The following PARD3B variants were observed in gnomAD, a reference collection of about 807,000 sequenced individuals.
PARD3B encodes the protein partitioning defective 3 homolog B.
Under a neutral mutation model 130.2 loss-of-function variants are expected in PARD3B, and 103 were observed. The ratio of observed to expected loss-of-function variants is 0.79; its 90% CI spans 0.67 to 0.93. The LOEUF (loss-of-function observed/expected upper bound fraction) is 0.93. Ranked by LOEUF, PARD3B falls within the 40% of genes least tolerant of loss-of-function variation. The pLI is 0.00. For missense variants in PARD3B, 1,609 were observed against 1,499.2 expected, an observed-to-expected ratio of 1.07 and a Z score of -1.21; for synonymous variants, 583 against 553.2, an observed-to-expected ratio of 1.05 and a Z score of -0.76.
chr2:205,349,924 G>A (rs947260613), intron 18 of PARD3B, among the ~76,000 whole-genome samples: 5 of 148,874 alleles, frequency 3.4e-5, no homozygotes, highest in African/African-American at 5.0e-5. Flanking sequence ...TCTATAACCT[G>A]TAGTGTAAAC....
chr2:205,599,775 G>T (rs2054710867), intron 22 of PARD3B, among the ~76,000 whole-genome samples: 2 of 152,154 alleles, frequency 1.3e-5, no homozygotes, highest in South Asian at 4.1e-4. Context: ...GGGAGGAATC[G>T]TTGGTTCTGG....
intron 11 of PARD3B, among the ~76,000 whole-genome samples, chr2:205,171,199 A>G (rs572267825): frequency 1.6e-4 from 25 of 152,330 alleles, no homozygotes; most frequent in African/African-American, 5.5e-4. Context: ...TAACATTCGT[A>G]ATCACAGCTG....
intron 15 of PARD3B, among the ~76,000 whole-genome samples, chr2:205,242,919 C>A (rs180888259): frequency 2.0e-5 from 3 of 152,144 alleles, no homozygotes; most frequent in Non-Finnish European, 4.4e-5. Context: ...GTAATCCCAG[C>A]GCTTTGGGAG....
intron 2 of PARD3B, among the ~76,000 whole-genome samples, chr2:204,729,762 A>G (rs2039404676): frequency 6.6e-6 from 1 of 152,084 alleles, no homozygotes; most frequent in African/African-American, 2.4e-5. Flanking sequence ...TAGCTTAAGA[A>G]TGACCCCTAT....
intron 22 of PARD3B, among the ~76,000 whole-genome samples, chr2:205,612,547 G>A (rs1175184127): frequency 1.3e-5 from 2 of 152,114 alleles, no homozygotes; most frequent in African/African-American, 4.8e-5. Flanking sequence ...TGAACAAAAT[G>A]TTGTTATAAA....
rs2047893401 is a variant in PARD3B at position 205,446,001 on chromosome 2, C to T, written c.3044+5329C>T. On this transcript the variant is annotated intron_variant, in intron 20 of 22. Transcript: ENST00000406610. This position sits in a 1 kb window ranked among gnomAD's most constrained non-coding sequence, Gnocchi z 4.4. ...TGGATATTAGGATCCAATGGCAATA[C>T]AAAGACCTAAACATGCAGTGAGAAC... Among the ~76,000 whole-genome samples the T allele has an allele frequency of 6.6e-6, 1 of 152,156 alleles. No individual in the cohort carries two copies. The highest frequency in any genetic ancestry group is 6.5e-5 in the Admixed American group (1 of 15,282).
rs1046927068 is a variant in PARD3B, at chr2:204,579,148, TCAC to T, written c.120+33030_120+33032del. ...ATCATCATCATCATCATCATCATCA[TCAC>T]AACAACAGTAATAATCATAATCATG... is the stretch of plus-strand genomic sequence containing the variant. On this transcript the variant is annotated intron_variant, in intron 1 of 22. Transcript: ENST00000406610. 4.6e-5 allele frequency among the ~76,000 whole-genome samples: 7 copies of T among 151,862 alleles called. No homozygotes were observed. In the East Asian group the frequency reaches 1.4e-3, roughly 30 times the overall value.
At chr2:205,036,651 T>G in intron 3 of PARD3B, among the ~76,000 whole-genome samples, 1 of 145,912 alleles carries the variant, frequency 6.9e-6, no homozygotes, top group African/African-American at 2.5e-5. Flanking sequence ...AAAGTATATA[T>G]ACACAGCGGA....
In PARD3B at chr2:205,078,383, T is replaced by C. The variant is rs1021136567; in HGVS notation, c.505-26043T>C. Among the ~76,000 whole-genome samples the C allele has an allele frequency of 1.8e-4, 28 of 152,324 alleles. No homozygotes were observed. The highest frequency in any genetic ancestry group is 5.8e-4 in the African/African-American group (24 of 41,576). ...TAATTGTATGGTTTTCCTTTTATGT[T>C]TTCAGGTGAGAGTATTTCTTTTCTA... On this transcript the variant is annotated intron_variant, in intron 4 of 22. Transcript: ENST00000406610. This position sits in a 1 kb window ranked among gnomAD's most constrained non-coding sequence, Gnocchi z 4.0.
chr2:205,264,030 T>G (rs1332492138), intron 16 of PARD3B, among the ~76,000 whole-genome samples: 1 of 151,094 alleles, frequency 6.6e-6, no homozygotes, highest in Non-Finnish European at 1.5e-5. Context: ...CACTTTTTTA[T>G]ATTTGTAAAC....
intron 5 of PARD3B, among the ~76,000 whole-genome samples, chr2:205,109,413 A>G (rs1325937997): frequency 6.6e-6 from 1 of 152,120 alleles, no homozygotes; most frequent in Non-Finnish European, 1.5e-5. Context: ...GTGTTCCTCA[A>G]TCCTGCAGTA....
chr2:205,058,069 T>G (rs183086388), intron 4 of PARD3B, among the ~76,000 whole-genome samples: 24 of 151,846 alleles, frequency 1.6e-4, no homozygotes, highest in African/African-American at 5.8e-4. Flanking sequence ...AACTCCTTAT[T>G]CCCTCCTTTT....
intron 3 of PARD3B, among the ~76,000 whole-genome samples, chr2:204,996,891 T>G (rs1196478781): frequency 6.6e-6 from 1 of 150,658 alleles, no homozygotes; most frequent in East Asian, 2.0e-4. Flanking sequence ...GGGAACTCCC[T>G]GACCCCTTGC....
chr2:204,632,754 G>A (rs905381505), intron 1 of PARD3B, among the ~76,000 whole-genome samples: 1 of 152,206 alleles, frequency 6.6e-6, no homozygotes, highest in South Asian at 2.1e-4. Flanking sequence ...TGTTGGCTGG[G>A]TGTGGGGGTT....
chr2:205,556,561 G>T (rs747308850), intron 22 of PARD3B, among the ~76,000 whole-genome samples: 7 of 152,206 alleles, frequency 4.6e-5, no homozygotes, highest in Non-Finnish European at 8.8e-5. Flanking sequence ...CTAAGGCTAA[G>T]GGCTAAGCCA....
chr2:204,704,559 A>G (rs1342322714), intron 2 of PARD3B, among the ~76,000 whole-genome samples: 1 of 152,218 alleles, frequency 6.6e-6, no homozygotes, highest in African/African-American at 2.4e-5. Context: ...TATGGTATTT[A>G]TGAGAATTTT....
At chr2:204,697,677 T>C (rs2037680218) in intron 2 of PARD3B, among the ~76,000 whole-genome samples, 1 of 152,132 alleles carries the variant, frequency 6.6e-6, no homozygotes, top group South Asian at 2.1e-4. Flanking sequence ...TCCGTTGTGA[T>C]ACAGTGTTGT....
chr2:205,048,572 T>G (rs1026735758), intron 4 of PARD3B: 1 of 152,204 alleles, frequency 6.6e-6, no homozygotes, highest in Non-Finnish European at 1.5e-5. Context: ...TCTTTCTCAC[T>G]TTAAGTCTCA....
intron 11 of PARD3B, among the ~76,000 whole-genome samples, chr2:205,166,776 C>G (rs541191880): frequency 6.6e-6 from 1 of 152,128 alleles, no homozygotes; most frequent in African/African-American, 2.4e-5. Context: ...TGCCATCTTG[C>G]CTGGGGTCCA....
Sources: gnomAD v4.1 joint callset for allele counts (sites outside exome capture counted in the v4.1 genomes callset) on GRCh38, gnomAD v4.1.1 for gene constraint, Gnocchi (gnomAD v3.1) non-coding constraint, MANE v1.5 for transcripts, NCBI Gene and HGNC (gene_info 2026-07-23, HGNC 2026-07-21) for gene names.